The following TMC5 variants were observed in gnomAD, a reference collection of about 807,000 sequenced individuals.
The protein encoded by TMC5 is transmembrane channel-like protein 5.
In TMC5, 86 loss-of-function variants were observed where a neutral mutation model predicts 110.5. The ratio of observed to expected loss-of-function variants is 0.78; its 90% CI spans 0.65 to 0.93. The LOEUF is 0.93. TMC5 is among the 40% of genes least tolerant of loss of function. TMC5 has a pLI of 0.00. For synonymous variants in TMC5, 455 were observed against 439.5 expected (o/e 1.04, Z -0.44); for missense variants, 1,144 against 1,222.8 (o/e 0.94, Z 0.96).
chr16:19,438,390 C>CAAAAAA (rs60807937), intron 2 of TMC5, among the ~76,000 whole-genome samples: 1 of 60,046 alleles, frequency 1.7e-5, no homozygotes, highest in Non-Finnish European at 2.8e-5. Context: ...GACACCCTGT[C>CAAAAAA]AAAAAAAAAA....
chr16:19,472,971 C>T (rs1332945094), intron 11 of TMC5, among the ~76,000 whole-genome samples: 3 of 152,144 alleles, frequency 2.0e-5, no homozygotes, highest in Non-Finnish European at 4.4e-5. Context: ...AGCAGAAGTG[C>T]AGTCCCGGCT....
chr16:19,443,470 C>T (rs891057875), intron 3 of TMC5, among the ~76,000 whole-genome samples: 1 of 152,164 alleles, frequency 6.6e-6, no homozygotes, highest in Admixed American at 6.5e-5. Flanking sequence ...TTCCTCCGAA[C>T]TCCTTGGGCC....
At chr16:19,465,068 C>A (rs1253710477) in intron 8 of TMC5, among the ~76,000 whole-genome samples, 1 of 50,552 alleles carries the variant, frequency 2.0e-5, no homozygotes, top group African/African-American at 7.1e-5. Flanking sequence ...TTCCTTCCTT[C>A]CTTCCTTCCT....
intron 5 of TMC5, among the ~76,000 whole-genome samples, chr16:19,455,145 A>AT (rs964060768): frequency 1.3e-5 from 2 of 152,022 alleles, no homozygotes; most frequent in Middle Eastern, 3.4e-3. Context: ...TAAAAAAAAA[A>AT]GTTTAAAAAT....
At chr16:19,475,019 C>T (rs761566828) in intron 12 of TMC5, 4 of 152,272 alleles carry the variant, frequency 2.6e-5, no homozygotes, top group Non-Finnish European at 2.9e-5. Context: ...AGGCATCATA[C>T]GTGCTAGAAG....
intron 19 of TMC5, among the ~76,000 whole-genome samples, chr16:19,492,943 A>ATATATATATATAT (rs61334845): frequency 0.036 from 3,248 of 91,406 alleles, 610 homozygotes; most frequent in Non-Finnish European, 0.049. Flanking sequence ...TCTCTCTATA[A>ATATATATATATAT]GATAAATACT....
In TMC5 at chr16:19,424,901, G is replaced by A. The variant is rs567589687; in HGVS notation, c.-307-5512G>A. On this transcript the variant is annotated intron_variant, in intron 1 of 21. Coordinates refer to ENST00000542583, the MANE Select transcript of TMC5 (RefSeq NM_001261841.2). ...TTCCTGGAGGATGAGGGGCAAGGCC[G>A]AAAGTTGCAAGCTTCTAACCCTGGC... Among the ~76,000 whole-genome samples, 11 of 152,292 alleles carry A rather than the reference G, an allele frequency of 7.2e-5. No homozygotes were observed. The South Asian group carries it at 1.2e-3, about 17-fold the overall frequency.
intron 9 of TMC5, among the ~76,000 whole-genome samples, chr16:19,467,271 G>A (rs1968214415): frequency 6.6e-6 from 1 of 152,088 alleles, no homozygotes; most frequent in African/African-American, 2.4e-5. Context: ...TGGTTCTGGA[G>A]GCCTGAAGTC....
At chr16:19,466,034 T>A (rs765404689) in intron 8 of TMC5, 48 bp from the exon 9 acceptor site, 4 of 1,585,324 alleles carry the variant, frequency 2.5e-6, no homozygotes, top group Non-Finnish European at 3.4e-6. Context: ...ATCGTTTACC[T>A]TTTTTTTCAG....
intron 14 of TMC5, 45 bp from the exon 15 acceptor site, chr16:19,481,325 A>G: frequency 1.5e-6 from 2 of 1,329,464 alleles, no homozygotes; most frequent in Non-Finnish European, 2.2e-6. Context: ...ATCTTCTGAA[A>G]GTGGGAGTTA....
chr16:19,440,187 C>G lies in TMC5; in HGVS notation c.149C>G (p.Thr50Ser), dbSNP rs1415825621. 1 of 1,614,172 alleles carries G rather than the reference C, an allele frequency of 6.2e-7. No individual in the cohort carries two copies. The highest frequency in any genetic ancestry group is 2.2e-5 in the East Asian group (1 of 44,874). Residue 50 changes from threonine (T) to serine (S), a missense_variant, in exon 3 of 22, where the codon ACC becomes AGC. Coordinates refer to ENST00000542583, the MANE Select transcript of TMC5 (RefSeq NM_001261841.2). The stretch of plus-strand genomic sequence containing the variant: ...CTGAACAATCCAGACTACCCCGGCA[C>G]CAGGAGCAATCCATACTCTGTAGCC... ...GPLNNPDYPG[T>S]RSNPYSVASR...
At chr16:19,492,837 G>A (rs114075323) in intron 19 of TMC5, among the ~76,000 whole-genome samples, 2,666 of 150,100 alleles carry the variant, frequency 0.018, 91 homozygotes, top group African/African-American at 0.062. Context: ...TTACAGGCAG[G>A]TGCCACTCCA....
chr16:19,474,175 T>A lies in TMC5; in HGVS notation c.1989T>A (p.Val663=). The change falls in exon 12 of 22, where the codon GTT becomes GTA. Residue 663 remains valine (V), a synonymous_variant. Coordinates refer to ENST00000542583, the MANE Select transcript of TMC5 (RefSeq NM_001261841.2). ...GGGCGGTGCTGTTACTGCCTTTCGT[T>A]GTGTCCTGCATTAATCTGGCCGTGC... The part of the protein sequence containing the change: ...NPGAVLLLPF[V]VSCINLAVPC... 6.2e-7 allele frequency: 1 copy of A among 1,613,996 alleles called. No homozygotes were observed. Among genetic ancestry groups the A allele is most frequent in the Non-Finnish European group, 8.5e-7 (1 of 1,179,972 alleles).
At chr16:19,413,794 G>A (rs1419976659), upstream of TMC5, among the ~76,000 whole-genome samples, 1 of 152,128 alleles carries the variant, frequency 6.6e-6, no homozygotes, top group Non-Finnish European at 1.5e-5. Flanking sequence ...GACCTCCTGG[G>A]TTAAAATCCT....
intron 5 of TMC5, 146 bp from the exon 6 acceptor site, chr16:19,460,089 T>TG: frequency 1.9e-6 from 1 of 525,284 alleles, no homozygotes; most frequent in South Asian, 3.0e-5. Flanking sequence ...ATGTGTTTTT[T>TG]TTGTTGTTTT....
chr16:19,455,344 C>T (rs1470746352), intron 5 of TMC5, among the ~76,000 whole-genome samples: 1 of 151,886 alleles, frequency 6.6e-6, no homozygotes, highest in East Asian at 1.9e-4. Flanking sequence ...TTGCCTGAAC[C>T]CAGGAGGCAA....
At chr16:19,460,159 G>T in intron 5 of TMC5, 76 bp from the exon 6 acceptor site, 2 of 1,142,632 alleles carry the variant, frequency 1.8e-6, no homozygotes, top group South Asian at 2.9e-5. Context: ...TACGTGCTCT[G>T]ACTTCAGCAC....
rs377544565 is a variant in TMC5 at position 19,440,639 on chromosome 16, T to C, written c.601T>C (p.Ser201Pro). 105 of 1,614,150 alleles carry C rather than the reference T, an allele frequency of 6.5e-5. No individual in the cohort carries two copies. The highest frequency in any genetic ancestry group is 8.5e-5 in the Non-Finnish European group (100 of 1,180,040). Residue 201 changes from serine (S) to proline (P), a missense_variant, in exon 3 of 22, where the codon TCT becomes CCT. By Grantham distance (74) the Ser-to-Pro change is moderately conservative. Coordinates refer to ENST00000542583, the MANE Select transcript of TMC5 (RefSeq NM_001261841.2). ...TTTTAGAATCAATCCATACGCAGAC[T>C]CTCTGGGAAAGCCTGATTATCCAGG... ...TSFRINPYADSLGKPDYPGAD... is the reference protein window; with the variant it reads ...TSFRINPYADPLGKPDYPGAD...
chr16:19,485,518 G>A (rs1010620406), intron 15 of TMC5, among the ~76,000 whole-genome samples: 1 of 151,994 alleles, frequency 6.6e-6, no homozygotes, highest in Admixed American at 6.6e-5. Flanking sequence ...GGCTGGTTTC[G>A]AACTCCTAAC....
Sources: gnomAD v4.1 joint callset for allele counts (sites outside exome capture counted in the v4.1 genomes callset) on GRCh38, gnomAD v4.1.1 for gene constraint, MANE v1.5 for transcripts, NCBI Gene and HGNC (gene_info 2026-07-23, HGNC 2026-07-21) for gene names.